CNTN6: variants seen among roughly 807,000 people sequenced by gnomAD.
The protein encoded by CNTN6 is contactin-6.
In CNTN6, 137 loss-of-function variants were observed where a neutral mutation model predicts 122.8. That is an observed-to-expected ratio of 1.12 (90% CI 0.97 to 1.29). The LOEUF (loss-of-function observed/expected upper bound fraction) is 1.29, where lower values mean the gene tolerates loss of function less well. Among genes scored for constraint, CNTN6 ranks in the 50% most tolerant of loss-of-function variants. The probability of loss-of-function intolerance (pLI) is 0.00; values close to 1 mark genes in which losing one functional copy is unlikely to be tolerated. For missense variants in CNTN6, 1,634 were observed against 1,223.4 expected (o/e 1.34, Z -5.01); for synonymous variants, 570 against 426.0 (o/e 1.34, Z -4.16).
intron 1 of CNTN6, among the ~76,000 whole-genome samples, chr3:1,101,646 T>A (rs967324056): frequency 6.6e-6 from 1 of 152,208 alleles, no homozygotes. Context: ...TTGTCAAGTC[T>A]CAGGTATATA....
rs1050937500 is a variant in CNTN6 at position 1,401,526 on chromosome 3, C to T, written c.2798C>T (p.Ser933Phe). 22 of 1,610,554 alleles carry T rather than the reference C, an allele frequency of 1.4e-5. No individual in the cohort carries two copies. The highest frequency in any genetic ancestry group is 1.9e-5 in the Non-Finnish European group (22 of 1,177,800). The change falls in exon 21 of 23, where the codon TCT (serine) becomes TTT (phenylalanine). Residue 933 changes from serine (S) to phenylalanine (F), a missense_variant. Ser to Phe is a radical substitution (Grantham distance 155, BLOSUM62 -2). Transcript: ENST00000446702. ...CATGTAAAAACCATGGAAAATGAGT[C>T]TGAAGTTTTGGGGTACAAGGTGAGT... Reference protein sequence around the residue: ...WEHVKTMENESEVLGYKILYR... With the variant: ...WEHVKTMENEFEVLGYKILYR...
At chr3:1,323,138 T>C (rs1298319903) in intron 8 of CNTN6, among the ~76,000 whole-genome samples, 2 of 151,798 alleles carry the variant, frequency 1.3e-5, no homozygotes, top group Admixed American at 6.6e-5. Flanking sequence ...AATGTTAGCT[T>C]ACATAGCAAT....
chr3:1,383,666 A>AAAAC (rs141449245), intron 19 of CNTN6, among the ~76,000 whole-genome samples: 2,906 of 143,076 alleles, frequency 0.02, 100 homozygotes, highest in African/African-American at 0.068. Context: ...AACAAAAACA[A>AAAAC]AAAAAAACAG....
At position 1,242,016 on chromosome 3, in the gene CNTN6, G is replaced by A. The variant is rs1219375304; in HGVS notation, c.358+14023G>A. On this transcript the variant is annotated intron_variant, in intron 4 of 22. Coordinates refer to ENST00000446702, the MANE Select transcript of CNTN6 (RefSeq NM_001289080.2). ...TGCTAACCATGCCTAGGAAGGAAAG[G>A]AGTTGTTGTTTTGTAGAAGGTGCTG... is the stretch of plus-strand genomic sequence containing the variant. Among the ~76,000 whole-genome samples, 4 of 152,244 alleles carry A rather than the reference G, an allele frequency of 2.6e-5. No individual in the cohort carries two copies. The East Asian group carries it at 5.8e-4, about 22-fold the overall frequency.
intron 2 of CNTN6, among the ~76,000 whole-genome samples, chr3:1,160,344 GTA>G (rs56703431): frequency 0.46 from 51,351 of 111,006 alleles, 12,638 homozygotes; most frequent in Middle Eastern, 0.59. Context: ...TACTTTTACT[GTA>G]TATATATATA....
chr3:1,298,700 G>A (rs925543852), intron 7 of CNTN6, among the ~76,000 whole-genome samples: 1 of 152,140 alleles, frequency 6.6e-6, no homozygotes, highest in Non-Finnish European at 1.5e-5. Context: ...ATTTTCAAAT[G>A]TTAATATGCA....
At chr3:1,295,892 T>G (rs1696146065) in intron 6 of CNTN6, 88 bp downstream of exon 6, 1 of 1,202,522 alleles carries the variant, frequency 8.3e-7, no homozygotes, top group African/African-American at 1.5e-5. Context: ...TTCCTTCTTG[T>G]TTGGTGGAGC....
At chr3:1,366,238 A>G (rs1003446284) in intron 12 of CNTN6, among the ~76,000 whole-genome samples, 1 of 152,216 alleles carries the variant, frequency 6.6e-6, no homozygotes, top group Non-Finnish European at 1.5e-5. Context: ...ATGAAAGCGA[A>G]TAAGTAACCC....
At chr3:1,186,251 G>A (rs988048) in intron 2 of CNTN6, among the ~76,000 whole-genome samples, 25,916 of 151,980 alleles carry the variant, frequency 0.17, 2,915 homozygotes, top group East Asian at 0.5. Flanking sequence ...GTTACCAAGG[G>A]TTACTTATCA....
chr3:1,142,213 A>G (rs1574998516), intron 1 of CNTN6, among the ~76,000 whole-genome samples: 1 of 94,580 alleles, frequency 1.1e-5, no homozygotes, highest in East Asian at 2.2e-4. Flanking sequence ...TTCCATTCCT[A>G]AAAAAAAAAA....
intron 4 of CNTN6, among the ~76,000 whole-genome samples, chr3:1,270,429 T>A (rs1431877508): frequency 6.6e-6 from 1 of 152,232 alleles, no homozygotes; most frequent in Admixed American, 6.5e-5. Context: ...ATCTGGGAGT[T>A]CTGTGAGACT....
At chr3:1,262,724 A>G (rs2094866514) in intron 4 of CNTN6, among the ~76,000 whole-genome samples, 1 of 152,152 alleles carries the variant, frequency 6.6e-6, no homozygotes, top group Admixed American at 6.6e-5. Context: ...TCTATTAATT[A>G]GTAACCAGTT....
At chr3:1,256,875 A>G (rs1401872298) in intron 4 of CNTN6, among the ~76,000 whole-genome samples, 1 of 152,118 alleles carries the variant, frequency 6.6e-6, no homozygotes. Flanking sequence ...TCATTTGCCA[A>G]TTATATCCGA....
intron 1 of CNTN6, among the ~76,000 whole-genome samples, chr3:1,124,510 A>T (rs1250434132): frequency 6.6e-6 from 1 of 151,806 alleles, no homozygotes; most frequent in Non-Finnish European, 1.5e-5. Context: ...CATAAGAATG[A>T]TATAATCGAG....
intron 11 of CNTN6, among the ~76,000 whole-genome samples, chr3:1,332,361 T>G (rs1702408833): frequency 6.6e-6 from 1 of 151,968 alleles, no homozygotes; most frequent in Non-Finnish European, 1.5e-5. Flanking sequence ...AAGCTGTTTG[T>G]TGAGAAATAC....
At chr3:1,305,589 T>A (rs1454046480) in intron 7 of CNTN6, among the ~76,000 whole-genome samples, 3 of 152,192 alleles carry the variant, frequency 2.0e-5, no homozygotes, top group Non-Finnish European at 4.4e-5. Context: ...ATATGGGCTC[T>A]TGCTGAGTGA....
At position 1,289,676 on chromosome 3, in the gene CNTN6, G is replaced by GTTT. The variant is rs11438242; in HGVS notation, c.455-5911_455-5909dup. On this transcript the variant is annotated intron_variant, in intron 5 of 22. Coordinates refer to ENST00000446702, the MANE Select transcript of CNTN6 (RefSeq NM_001289080.2). ...CTTTTGTTTTGTTTTGTTTTTTTGG[G>GTTT]TTTTTTTTTTTTTTTTGAGACAGAG... 6.5e-4 allele frequency among the ~76,000 whole-genome samples: 89 copies of GTTT among 137,794 alleles called. 2 individuals carry two copies. Among genetic ancestry groups the GTTT allele is most frequent in the South Asian group, 3.8e-3 (16 of 4,260 alleles). 90.4% of individuals were successfully genotyped at this position (137,794 alleles called of 152,430 possible).
intron 7 of CNTN6, among the ~76,000 whole-genome samples, chr3:1,310,253 A>C (rs1559783822): frequency 6.6e-6 from 1 of 152,236 alleles, no homozygotes; most frequent in East Asian, 1.9e-4. Flanking sequence ...CTAGTGCTAC[A>C]TTTTTTGGCA....
At chr3:1,119,852 C>G (rs1217427856) in intron 1 of CNTN6, among the ~76,000 whole-genome samples, 2 of 152,144 alleles carry the variant, frequency 1.3e-5, no homozygotes, top group South Asian at 2.1e-4. Context: ...ACTTATATCA[C>G]CCAAGAAAGT....
Sources: allele counts gnomAD v4.1 joint callset (sites outside exome capture counted in the v4.1 genomes callset), GRCh38; gene constraint gnomAD v4.1.1; transcripts MANE v1.5; gene names NCBI Gene and HGNC (gene_info 2026-07-23, HGNC 2026-07-21).